Variants in CARNS1 observed in about 807,000 individuals in gnomAD.
The protein encoded by CARNS1 is ATP-grasp domain containing 1.
CARNS1 carries 61 observed loss-of-function variants against 74.0 expected under a neutral mutation model. The ratio of observed to expected loss-of-function variants is 0.82; its 90% CI spans 0.67 to 1.02. CARNS1 has a LOEUF of 1.02. Ranked by LOEUF, CARNS1 falls within the 50% of genes least tolerant of loss-of-function variation. The pLI, the probability that CARNS1 is intolerant of heterozygous loss-of-function variation, is 0.00. For missense variants in CARNS1, 1,278 were observed against 1,308.4 expected, an observed-to-expected ratio of 0.98 and a Z score of 0.36; for synonymous variants, 568 against 605.5, an observed-to-expected ratio of 0.94 and a Z score of 0.91.
chr11:67,420,251 A>T (rs911303759), intron 7 of CARNS1, among the ~76,000 whole-genome samples: 1 of 152,040 alleles, frequency 6.6e-6, no homozygotes, highest in Non-Finnish European at 1.5e-5. Context: ...GGCTACACTG[A>T]GAGGGAGAGA....
In CARNS1 at chr11:67,421,221, T is replaced by C. The variant is rs1341112351; in HGVS notation, c.1626+2T>C. ...GCGGCGCGCGACTACGGGCTCCAGG[T>C]GGGCGGGGCGCGGGGCGGGGCTGGG... On this transcript the variant is annotated splice_donor_variant, in intron 9 of 9. Coordinates refer to ENST00000687366, the MANE Select transcript of CARNS1 (RefSeq NM_001166222.2). LOFTEE classifies it high-confidence loss of function. 3 of 1,415,404 alleles carry C rather than the reference T, an allele frequency of 2.1e-6. No individual in the cohort carries two copies. The highest frequency in any genetic ancestry group is 3.6e-5 in the East Asian group (1 of 27,774). 87.7% of individuals were successfully genotyped at this position (1,415,404 alleles called of 1,614,324 possible).
In CARNS1 at chr11:67,421,298, A is replaced by T. The variant is rs892916797; in HGVS notation, c.1626+79A>T. ...GGCGGGACCCCGGGGCGGGGCCTGG[A>T]GCAAAGGGGCGTCCTTGGGGCGGGA... On this transcript the variant is annotated intron_variant, in intron 9 of 9. Coordinates refer to ENST00000687366, the MANE Select transcript of CARNS1 (RefSeq NM_001166222.2). 7.5e-6 allele frequency: 10 copies of T among 1,328,380 alleles called. No individual in the cohort carries two copies. The African/African-American group carries it at 1.2e-4, about 17-fold the overall frequency. The allele number at this position is 1,328,380 out of a possible 1,614,324, so 82.3% of individuals were successfully genotyped here.
In CARNS1 at chr11:67,420,984, T is replaced by G; in HGVS notation, c.1391T>G (p.Val464Gly). The change falls in exon 9 of 10, where the codon GTG becomes GGG. Residue 464 changes from valine (V) to glycine (G), a missense_variant. Val to Gly is a moderately radical substitution (Grantham distance 109). This residue lies in a region of CARNS1 where 1,164 missense variants were observed against 1,156.5 expected (regional missense o/e 1.01). Coordinates refer to ENST00000687366, the MANE Select transcript of CARNS1 (RefSeq NM_001166222.2). The part of the protein sequence containing the change: ...LTAAGGVLTP[V>G]ALELNGGLCL... ...GCGGCCGGCGGCGTGCTGACCCCAG[T>G]GGCCCTGGAGCTGAACGGCGGCCTG... 5 of 1,429,266 alleles carry G rather than the reference T, an allele frequency of 3.5e-6. No individual in the cohort carries two copies. The highest frequency in any genetic ancestry group is 4.6e-6 in the Non-Finnish European group (5 of 1,094,600). 88.5% of individuals were successfully genotyped at this position (1,429,266 alleles called of 1,614,324 possible). A position where few individuals can be genotyped will look rare whatever the true frequency, so the allele number is the denominator to read the frequency against.
In CARNS1 at chr11:67,423,506, C is replaced by A; in HGVS notation, c.1758C>A (p.Arg586=). 2 of 1,613,844 alleles carry A rather than the reference C, an allele frequency of 1.2e-6. No homozygotes were observed. Among genetic ancestry groups the A allele is most frequent in the Non-Finnish European group, 1.7e-6 (2 of 1,179,824 alleles). The part of the protein sequence containing the change: ...ARLLAELVRA[R]GLKLDGCFSY... ...TGCTGGCAGAGTTGGTGCGGGCTCG[C>A]GGCCTCAAGCTAGATGGCTGCTTCT... is the stretch of plus-strand genomic sequence containing the variant. The change falls in exon 10 of 10, where the codon CGC becomes CGA. Residue 586 remains arginine, a synonymous_variant. Transcript: ENST00000687366. This position sits in a 1 kb window ranked among gnomAD's most constrained non-coding sequence, Gnocchi z 5.1.
intron 7 of CARNS1, 27 bp from the exon 8 acceptor site, chr11:67,420,582 C>A: frequency 1.7e-6 from 2 of 1,207,850 alleles, no homozygotes; most frequent in Non-Finnish European, 2.1e-6. Flanking sequence ...AGTGTGTGGG[C>A]CTCCCCCTGA....
chr11:67,424,604 C>T lies in CARNS1; in HGVS notation c.*3C>T. 1 of 1,600,994 alleles carries T rather than the reference C, an allele frequency of 6.2e-7. No individual in the cohort carries two copies. Among genetic ancestry groups the T allele is most frequent in the South Asian group, 1.1e-5 (1 of 89,858 alleles). ...ACTTCCTGTCTCACTTCAAATAGCA[C>T]TGGGGTCAGGGGGCAGGGAAGCAGT... On this transcript the variant is annotated 3_prime_UTR_variant, in exon 10 of 10. Transcript: ENST00000687366.
intron 2 of CARNS1, 177 bp downstream of exon 2, chr11:67,416,379 T>C (rs1488455826): frequency 5.5e-6 from 8 of 1,442,142 alleles, no homozygotes; most frequent in Non-Finnish European, 5.5e-6. Flanking sequence ...AGGTGGGCAC[T>C]CTTAGTGCCC....
chr11:67,418,011 A>C (rs1863591607), intron 3 of CARNS1, among the ~76,000 whole-genome samples: 2 of 152,172 alleles, frequency 1.3e-5, no homozygotes, highest in South Asian at 2.1e-4. Flanking sequence ...GAGACCCCCC[A>C]GACTCCTCCC....
rs1002921544 is a variant in CARNS1 at position 67,418,416 on chromosome 11, G to A, written c.275-15G>A. The A allele has an allele frequency of 2.8e-6, 4 of 1,441,628 alleles. No homozygotes were observed. The highest frequency in any genetic ancestry group is 1.5e-5 in the African/African-American group (1 of 68,500). The allele number at this position is 1,441,628 out of a possible 1,614,324, so 89.3% of individuals were successfully genotyped here. On this transcript the variant is annotated splice_polypyrimidine_tract_variant and intron_variant, in intron 3 of 9. Coordinates refer to ENST00000687366, the MANE Select transcript of CARNS1 (RefSeq NM_001166222.2). The stretch of plus-strand genomic sequence containing the variant: ...GGGCGCCCCTGGTGAGCTGGGCCAT[G>A]TTCTCTTTCCCGAGGCTGTCCTGGG...
Position 67,424,182 on chromosome 11 carries a change from G to A in CARNS1, c.2434G>A (p.Glu812Lys), listed in dbSNP as rs773007396. ...GACCGGGGCTGGGCCTCGGCTTATCGAGATCAACCCCCGCATGGGTGGCTT... is the reference window on the plus strand; with the variant it reads ...GACCGGGGCTGGGCCTCGGCTTATCAAGATCAACCCCCGCATGGGTGGCTT... ...KLTGAGPRLIEINPRMGGFYL... is the reference protein window; with the variant it reads ...KLTGAGPRLIKINPRMGGFYL... The change falls in exon 10 of 10, where the codon GAG becomes AAG. Residue 812 changes from glutamate (E) to lysine (K), a missense_variant. By Grantham distance (56) the Glu-to-Lys change is moderately conservative (BLOSUM62 1). This residue lies in a region of CARNS1 where 1,164 missense variants were observed against 1,156.5 expected (regional missense o/e 1.01). Transcript: ENST00000687366. The A allele has an allele frequency of 1.7e-5, 28 of 1,613,782 alleles. No individual in the cohort carries two copies. The South Asian group carries it at 2.9e-4, about 16-fold the overall frequency.
chr11:67,418,498 G>A lies in CARNS1; in HGVS notation c.342G>A (p.Leu114=), dbSNP rs1044460800. 1.3e-6 allele frequency: 2 copies of A among 1,519,284 alleles called. No individual in the cohort carries two copies. The highest frequency in any genetic ancestry group is 2.1e-5 in the Admixed American group (1 of 47,284). The allele number at this position is 1,519,284 out of a possible 1,614,324, so 94.1% of individuals were successfully genotyped here. The change falls in exon 4 of 10, where the codon CTG becomes CTA. Residue 114 remains leucine, a synonymous_variant. Transcript: ENST00000687366. ...GSPSTFLPVL[L]EGGVQSPGNM... ...CCAGCACCTTTCTGCCTGTGCTGCT[G>A]GAGGGTGGGGTCCAGAGCCCGGGTG...
At position 67,424,200 on chromosome 11, in the gene CARNS1, G is replaced by A. The variant is rs746346332; in HGVS notation, c.2452G>A (p.Gly818Ser). The stretch of plus-strand genomic sequence containing the variant: ...GCTTATCGAGATCAACCCCCGCATG[G>A]GTGGCTTCTACCTGCGTGATTGGAT... Reference protein sequence around the residue: ...PRLIEINPRMGGFYLRDWILE... With the variant: ...PRLIEINPRMSGFYLRDWILE... Residue 818 changes from glycine to serine, a missense_variant, in exon 10 of 10, where the codon GGT (glycine) becomes AGT (serine). Physicochemically the swap from Gly to Ser is moderately conservative, Grantham distance 56 (BLOSUM62 0). Around this residue, in one of 3 missense-constraint regions of CARNS1, gnomAD observed 1,164 missense variants for 1,156.5 expected, o/e 1.01. Transcript: ENST00000687366. 1 of 1,613,734 alleles carries A rather than the reference G, an allele frequency of 6.2e-7. No individual in the cohort carries two copies. Among genetic ancestry groups the A allele is most frequent in the African/African-American group, 1.3e-5 (1 of 74,924 alleles).
intron 3 of CARNS1, among the ~76,000 whole-genome samples, 186 bp from the exon 4 acceptor site, chr11:67,418,244 AG>A (rs1452214802): frequency 2.0e-5 from 3 of 152,172 alleles, no homozygotes; most frequent in Non-Finnish European, 2.9e-5. Context: ...AGCTGCAGAA[AG>A]GGGAAACCAG....
In CARNS1 at chr11:67,423,307, C is replaced by G. The variant is rs779936851; in HGVS notation, c.1627-68C>G. 4.2e-5 allele frequency: 63 copies of G among 1,510,630 alleles called. No homozygotes were observed. Among genetic ancestry groups the G allele is most frequent in the Admixed American group, 5.9e-5 (3 of 50,724 alleles). The allele number at this position is 1,510,630 out of a possible 1,614,324, so 93.6% of individuals were successfully genotyped here. ...TATCCCCTGAAGGGGCCATCCTAGG[C>G]CCCATCCTATCCCCCTAGCACCCAG... On this transcript the variant is annotated intron_variant, in intron 9 of 9. Transcript: ENST00000687366. This position sits in a 1 kb window ranked among gnomAD's most constrained non-coding sequence, Gnocchi z 5.1.
intron 3 of CARNS1, 117 bp downstream of exon 3, chr11:67,417,794 G>A (rs1863585149): frequency 4.4e-6 from 3 of 679,956 alleles, no homozygotes; most frequent in South Asian, 7.5e-5. Flanking sequence ...GGTTCCATCT[G>A]AAGGCAGGGA....
At chr11:67,416,307 C>T (rs1863543641) in intron 2 of CARNS1, 105 bp downstream of exon 2, 2 of 1,529,080 alleles carry the variant, frequency 1.3e-6, no homozygotes, top group South Asian at 1.2e-5. Flanking sequence ...GGAGTTGCCC[C>T]CTGCAGACAG....
chr11:67,424,710 C>A lies in CARNS1; in HGVS notation c.*109C>A. Reference sequence around the variant, plus strand: ...CCCCATCACCATGCCCCAGCCCCAGCCTGGCCCGCTGCAATGCCTAGGTCT... The same window carrying A: ...CCCCATCACCATGCCCCAGCCCCAGACTGGCCCGCTGCAATGCCTAGGTCT... On this transcript the variant is annotated 3_prime_UTR_variant, in exon 10 of 10. Coordinates refer to ENST00000687366, the MANE Select transcript of CARNS1 (RefSeq NM_001166222.2). 2 of 1,255,236 alleles carry A rather than the reference C, an allele frequency of 1.6e-6. No homozygotes were observed. The highest frequency in any genetic ancestry group is 2.2e-6 in the Non-Finnish European group (2 of 928,086). The allele number at this position is 1,255,236 out of a possible 1,614,324, so 77.8% of individuals were successfully genotyped here.
chr11:67,425,237 A>G lies in CARNS1; in HGVS notation c.*636A>G, dbSNP rs370281605. On this transcript the variant is annotated 3_prime_UTR_variant, in exon 10 of 10. Transcript: ENST00000687366. ...CCGATGAGAGGAAACAGGCTGAGAG[A>G]AGAAAAATGACTGCTCCAGGATTAT... 3.0e-5 allele frequency: 11 copies of G among 368,524 alleles called. No individual in the cohort carries two copies. The highest frequency in any genetic ancestry group is 1.5e-4 in the African/African-American group (7 of 47,128). 22.8% of individuals were successfully genotyped at this position (368,524 alleles called of 1,614,324 possible). A position where few individuals can be genotyped will look rare whatever the true frequency, so the allele number is the denominator to read the frequency against.
chr11:67,421,082 G>T lies in CARNS1; in HGVS notation c.1489G>T (p.Val497Leu), dbSNP rs760414056. 7.3e-6 allele frequency: 10 copies of T among 1,378,420 alleles called. No homozygotes were observed. The South Asian group carries it at 1.7e-4, about 23-fold the overall frequency. 85.4% of individuals were successfully genotyped at this position (1,378,420 alleles called of 1,614,324 possible). A position where few individuals can be genotyped will look rare whatever the true frequency, so the allele number is the denominator to read the frequency against. ...GCTGGGGCCGGCGGCCGACGAGGCG[G>T]TGGCGGCGCCGCTGGTGGAGACCAT... Reference protein sequence around the residue: ...PRLGPAADEAVAAPLVETMLR... With the variant: ...PRLGPAADEALAAPLVETMLR... Residue 497 changes from valine (V) to leucine (L), a missense_variant, in exon 9 of 10, where the codon GTG becomes TTG. Around this residue, in one of 3 missense-constraint regions of CARNS1, gnomAD observed 1,164 missense variants for 1,156.5 expected, o/e 1.01. Coordinates refer to ENST00000687366, the MANE Select transcript of CARNS1 (RefSeq NM_001166222.2).
Sources: gnomAD v4.1 joint callset for allele counts (sites outside exome capture counted in the v4.1 genomes callset) on GRCh38, gnomAD v4.1.1 for gene constraint, gnomAD v4.1.1 regional missense constraint, Gnocchi (gnomAD v3.1) non-coding constraint, MANE v1.5 for transcripts, NCBI Gene and HGNC (gene_info 2026-07-23, HGNC 2026-07-21) for gene names.